Variants in GALNT17 observed in about 807,000 individuals in gnomAD.
GALNT17 encodes UDP-GalNAc:polypeptide N-acetylgalactosaminyltransferase-like 3.
Under a neutral mutation model 63.7 loss-of-function variants are expected in GALNT17, and 29 were observed. The ratio of observed to expected loss-of-function variants is 0.46; its 90% confidence interval spans 0.34 to 0.62. GALNT17 has a LOEUF of 0.62. Among genes scored for constraint, GALNT17 ranks in the 20% least tolerant of loss-of-function variants. The probability of loss-of-function intolerance (pLI) is 0.01; values close to 1 mark genes in which losing one functional copy is unlikely to be tolerated. For synonymous variants in GALNT17, 305 were observed against 318.3 expected, an observed-to-expected ratio of 0.96 and a Z score of 0.45; for missense variants, 603 against 799.6, an observed-to-expected ratio of 0.75 and a Z score of 2.97.
chr7:71,134,831 T>C (rs1787751026), intron 1 of GALNT17, among the ~76,000 whole-genome samples: 1 of 143,546 alleles, frequency 7.0e-6, no homozygotes. Context: ...TTCTTTGTTT[T>C]ATGGTTTTTT....
intron 6 of GALNT17, 61 bp from the exon 7 acceptor site, chr7:71,665,350 G>C (rs868653570): frequency 2.6e-6 from 4 of 1,523,484 alleles, no homozygotes; most frequent in South Asian, 1.3e-5. Context: ...TTTGGGCTTG[G>C]GGAGGGGGCA....
intron 1 of GALNT17, among the ~76,000 whole-genome samples, chr7:71,146,851 G>A (rs889277609): frequency 1.2e-4 from 19 of 152,106 alleles, no homozygotes; most frequent in African/African-American, 4.6e-4. Flanking sequence ...AATCACAGGC[G>A]ACCACGTTCA....
chr7:71,348,331 GC>G (rs1267984302), intron 2 of GALNT17, among the ~76,000 whole-genome samples: 1 of 152,114 alleles, frequency 6.6e-6, no homozygotes, highest in Non-Finnish European at 1.5e-5. Context: ...TCTTTTAGAG[GC>G]ACTGCCAGCC....
rs543790894 is a variant in GALNT17 at position 71,203,410 on chromosome 7, T to A, written c.238+70370T>A. ...ATGATTAATGTTATTGGACATTTTT[T>A]AATATACTTGTTGGCCATTTGTATC... On this transcript the variant is annotated intron_variant, in intron 1 of 10. Transcript: ENST00000333538. Among the ~76,000 whole-genome samples, 10 of 152,376 alleles carry A rather than the reference T, an allele frequency of 6.6e-5. No homozygotes were observed. The South Asian group carries it at 2.1e-3, about 32-fold the overall frequency.
intron 10 of GALNT17, among the ~76,000 whole-genome samples, chr7:71,711,609 C>G (rs1791793096): frequency 6.7e-6 from 1 of 150,300 alleles, no homozygotes. Context: ...CCTCTATCTC[C>G]TGTCTTCTCT....
intron 6 of GALNT17, among the ~76,000 whole-genome samples, chr7:71,592,578 A>ATAC (rs1339086520): frequency 2.0e-4 from 25 of 127,998 alleles, no homozygotes; most frequent in Non-Finnish European, 3.3e-4. Flanking sequence ...ATAAAATAAA[A>ATAC]TAAAATAAAA....
intron 1 of GALNT17, among the ~76,000 whole-genome samples, chr7:71,303,210 G>A (rs947004954): frequency 5.3e-5 from 8 of 151,364 alleles, no homozygotes; most frequent in Admixed American, 2.6e-4. Context: ...AGGCTGGAGC[G>A]CAGTGGTGAA....
At chr7:71,649,612 A>AACACAC (rs148658729) in intron 6 of GALNT17, among the ~76,000 whole-genome samples, 73 of 146,264 alleles carry the variant, frequency 5.0e-4, no homozygotes, top group African/African-American at 1.1e-3. Context: ...TTCAGGATTA[A>AACACAC]ACACACACAC....
At chr7:71,634,543 C>T (rs1790500970) in intron 6 of GALNT17, among the ~76,000 whole-genome samples, 1 of 151,888 alleles carries the variant, frequency 6.6e-6, no homozygotes, top group East Asian at 2.0e-4. Flanking sequence ...CACCTGAGGT[C>T]AGGACCTCGA....
At chr7:71,378,665 G>GC (rs1041701997) in intron 2 of GALNT17, among the ~76,000 whole-genome samples, 1 of 152,036 alleles carries the variant, frequency 6.6e-6, no homozygotes, top group Non-Finnish European at 1.5e-5. Context: ...TATCTGCCAA[G>GC]CATTCTGCCA....
At chr7:71,563,549 G>A (rs1049395026) in intron 5 of GALNT17, among the ~76,000 whole-genome samples, 1 of 152,036 alleles carries the variant, frequency 6.6e-6, no homozygotes, top group Admixed American at 6.6e-5. Context: ...CGCCAGCAAC[G>A]CTGACTGGCC....
intron 1 of GALNT17, among the ~76,000 whole-genome samples, chr7:71,158,205 C>T (rs886903103): frequency 3.3e-5 from 5 of 151,270 alleles, no homozygotes; most frequent in Non-Finnish European, 5.9e-5. Context: ...CGAGGGACCT[C>T]CATATGGTTC....
At chr7:71,159,686 G>A (rs1195032752) in intron 1 of GALNT17, among the ~76,000 whole-genome samples, 2 of 148,768 alleles carry the variant, frequency 1.3e-5, no homozygotes, top group Admixed American at 6.8e-5. Context: ...CCACTTGTGA[G>A]CCCCCAACAT....
chr7:71,466,969 T>G (rs1489061242), intron 5 of GALNT17, among the ~76,000 whole-genome samples: 1 of 151,308 alleles, frequency 6.6e-6, no homozygotes, highest in Admixed American at 6.6e-5. Flanking sequence ...GCTCAAGACC[T>G]CCTGAGGCTG....
At chr7:71,309,579 T>C (rs1037435127) in intron 1 of GALNT17, among the ~76,000 whole-genome samples, 2 of 152,216 alleles carry the variant, frequency 1.3e-5, no homozygotes, top group Non-Finnish European at 2.9e-5. Flanking sequence ...AGCTATCCTT[T>C]TATTTACATT....
At chr7:71,363,047 A>G (rs890362490) in intron 2 of GALNT17, among the ~76,000 whole-genome samples, 4 of 151,330 alleles carry the variant, frequency 2.6e-5, no homozygotes, top group East Asian at 1.9e-4. Context: ...GCTGACCGCA[A>G]CCTCCATCTT....
chr7:71,705,215 C>CT (rs965847181), intron 9 of GALNT17, among the ~76,000 whole-genome samples: 7 of 151,668 alleles, frequency 4.6e-5, no homozygotes, highest in Admixed American at 2.6e-4. Context: ...GTTGAATAGA[C>CT]TTTTTTTTCA....
chr7:71,622,937 T>C (rs1426139900), intron 6 of GALNT17, among the ~76,000 whole-genome samples: 1 of 152,208 alleles, frequency 6.6e-6, no homozygotes, highest in East Asian at 1.9e-4. Context: ...TCACTGACCC[T>C]GCCTTTTCCC....
intron 5 of GALNT17, among the ~76,000 whole-genome samples, chr7:71,521,780 T>C (rs1788534955): frequency 6.6e-6 from 1 of 152,208 alleles, no homozygotes; most frequent in Non-Finnish European, 1.5e-5. Flanking sequence ...GAAACACAGA[T>C]TCCCAGCTGA....
Sources: gnomAD v4.1 joint callset for allele counts (sites outside exome capture counted in the v4.1 genomes callset) on GRCh38, gnomAD v4.1.1 for gene constraint, MANE v1.5 for transcripts, NCBI Gene and HGNC (gene_info 2026-07-23, HGNC 2026-07-21) for gene names.